TG: variants seen among roughly 807,000 people sequenced by gnomAD.
TG encodes the protein thyroid hormones.
A neutral mutation model predicts 324.7 loss-of-function variants in TG; 270 were observed. The observed-to-expected ratio is 0.83, with a 90% CI of 0.75 to 0.92. The LOEUF (loss-of-function observed/expected upper bound fraction) is 0.92. TG is among the 40% of genes least tolerant of loss of function. TG has a pLI of 0.00. For missense variants in TG, 3,591 were observed against 3,456.4 expected (o/e 1.04, Z -0.98); for synonymous variants, 1,401 against 1,327.0 (o/e 1.06, Z -1.21).
intron 45 of TG, among the ~76,000 whole-genome samples, chr8:133,118,477 A>G (rs1257285623): frequency 1.3e-5 from 2 of 152,096 alleles, no homozygotes; most frequent in African/African-American, 2.4e-5. Context: ...GGCATGCGCC[A>G]TGATTCCCAG....
At chr8:132,968,053 C>A (rs1828889531) in intron 31 of TG, 83 bp downstream of exon 31, 3 of 1,495,370 alleles carry the variant, frequency 2.0e-6, no homozygotes, top group African/African-American at 1.4e-5. Flanking sequence ...ACATTAGTTT[C>A]TTATTTAAAA....
In TG at chr8:132,933,535, G is replaced by A. The variant is rs752838921; in HGVS notation, c.4817-26G>A. 8.7e-6 allele frequency: 14 copies of A among 1,610,420 alleles called. 1 individual carries two copies. The highest frequency in any genetic ancestry group is 3.3e-4 in the Middle Eastern group (2 of 6,036). ...TCAGCATCCCCCGGGAAAGCCAGGT[G>A]AGTGACCGTCCCATGGTGCTTGCAG... On this transcript the variant is annotated intron_variant, in intron 23 of 47. Transcript: ENST00000220616.
intron 4 of TG, among the ~76,000 whole-genome samples, chr8:132,872,347 G>A (rs981653386): frequency 1.1e-4 from 16 of 151,702 alleles, no homozygotes; most frequent in Admixed American, 4.6e-4. Flanking sequence ...GCGTGGTGGC[G>A]GGCACCTGTA....
intron 27 of TG, among the ~76,000 whole-genome samples, chr8:132,956,895 G>T (rs1826962931): frequency 6.6e-6 from 1 of 152,092 alleles, no homozygotes; most frequent in South Asian, 2.1e-4. Context: ...AAGGATTAAA[G>T]AACAGTTTAG....
chr8:133,118,331 T>C (rs1240725428), intron 45 of TG, among the ~76,000 whole-genome samples: 2 of 148,432 alleles, frequency 1.3e-5, no homozygotes, highest in African/African-American at 5.0e-5. Flanking sequence ...TTTTTTTTTT[T>C]TTTTTTTTTT....
intron 34 of TG, among the ~76,000 whole-genome samples, chr8:132,976,535 C>CT (rs764652441): frequency 6.6e-6 from 1 of 152,186 alleles, no homozygotes; most frequent in Non-Finnish European, 1.5e-5. Context: ...TCTTTTTGGC[C>CT]TAAGGCCCAG....
At chr8:132,875,913 C>G (rs942810389) in intron 5 of TG, among the ~76,000 whole-genome samples, 3 of 152,094 alleles carry the variant, frequency 2.0e-5, no homozygotes, top group Non-Finnish European at 2.9e-5. Flanking sequence ...GTGGAAGGAG[C>G]CTTGGAGGCC....
intron 43 of TG, among the ~76,000 whole-genome samples, chr8:133,111,095 C>A (rs1030362670): frequency 3.9e-5 from 6 of 152,236 alleles, no homozygotes; most frequent in Non-Finnish European, 8.8e-5. Flanking sequence ...ACTCCAAACT[C>A]AATGCTCTTT....
Position 132,983,637 on chromosome 8 carries a change from T to C in TG, c.6262+225T>C, listed in dbSNP as rs1587679261. The C allele has an allele frequency of 9.9e-6, 6 of 605,942 alleles. 1 individual carries two copies. The Admixed American group carries it at 1.7e-4, about 17-fold the overall frequency. The allele number at this position is 605,942 out of a possible 1,614,324, so 37.5% of individuals were successfully genotyped here. On this transcript the variant is annotated intron_variant, in intron 35 of 47. Transcript: ENST00000220616. The stretch of plus-strand genomic sequence containing the variant: ...CGGGAATGAAATGATTTGTGGAAAT[T>C]ATGTGGCTGATTGAAGCAGAGTAAG...
chr8:133,076,279 G>A (rs1227515511), intron 41 of TG, among the ~76,000 whole-genome samples: 27 of 152,182 alleles, frequency 1.8e-4, no homozygotes, highest in East Asian at 1.9e-4. Context: ...ATCTACGGCC[G>A]GTGACCCAGG....
intron 40 of TG, among the ~76,000 whole-genome samples, chr8:133,027,032 C>T (rs1836156648): frequency 6.6e-6 from 1 of 152,164 alleles, no homozygotes; most frequent in African/African-American, 2.4e-5. Context: ...ATTAACTTGT[C>T]CAGGGCCCCT....
intron 45 of TG, among the ~76,000 whole-genome samples, chr8:133,128,912 C>T (rs555339146): frequency 6.6e-6 from 1 of 152,326 alleles, no homozygotes; most frequent in South Asian, 2.1e-4. Flanking sequence ...CGTGAACTGC[C>T]TACCCCAAGT....
At chr8:132,937,928 T>G (rs1351198408) in intron 25 of TG, among the ~76,000 whole-genome samples, 1 of 152,168 alleles carries the variant, frequency 6.6e-6, no homozygotes, top group Non-Finnish European at 1.5e-5. Flanking sequence ...TTTTTTTGGT[T>G]TGTTTTCCTT....
intron 44 of TG, among the ~76,000 whole-genome samples, chr8:133,114,219 C>T (rs1431959375): frequency 1.3e-5 from 2 of 152,196 alleles, no homozygotes; most frequent in South Asian, 2.1e-4. Context: ...CAGCCCTGCG[C>T]CCTCTCTCTG....
chr8:133,065,936 G>A (rs1842972256), intron 41 of TG, among the ~76,000 whole-genome samples: 1 of 152,162 alleles, frequency 6.6e-6, no homozygotes. Flanking sequence ...GTTTCCAGCG[G>A]GGATGAGGGG....
intron 35 of TG, among the ~76,000 whole-genome samples, chr8:133,004,610 G>A (rs139448177): frequency 1.3e-3 from 192 of 152,274 alleles, no homozygotes; most frequent in African/African-American, 4.4e-3. Flanking sequence ...ATTGTAAATC[G>A]ATATTGTTTT....
At chr8:133,033,048 T>A (rs915536650) in intron 41 of TG, among the ~76,000 whole-genome samples, 2 of 152,182 alleles carry the variant, frequency 1.3e-5, no homozygotes, top group African/African-American at 4.8e-5. Context: ...TCCAGGAATT[T>A]GGGACTCTCT....
At chr8:133,066,845 A>G (rs1843101765) in intron 41 of TG, among the ~76,000 whole-genome samples, 1 of 152,230 alleles carries the variant, frequency 6.6e-6, no homozygotes, top group African/African-American at 2.4e-5. Context: ...GCAGCTAAAA[A>G]TTTACCAAAG....
At chr8:132,989,659 T>C (rs1313367455) in intron 35 of TG, among the ~76,000 whole-genome samples, 1 of 152,220 alleles carries the variant, frequency 6.6e-6, no homozygotes, top group Non-Finnish European at 1.5e-5. Context: ...TGAAAAGGAA[T>C]CAACTTTGTC....
Sources: gnomAD v4.1 joint callset for allele counts (sites outside exome capture counted in the v4.1 genomes callset) on GRCh38, gnomAD v4.1.1 for gene constraint, MANE v1.5 for transcripts, NCBI Gene and HGNC (gene_info 2026-07-23, HGNC 2026-07-21) for gene names.